DMRT1: variants seen among roughly 807,000 people sequenced by gnomAD.
DMRT1 encodes doublesex- and mab-3-related transcription factor 1.
DMRT1 carries 7 observed loss-of-function variants against 32.3 expected under a neutral mutation model. The observed-to-expected ratio is 0.22, with a 90% confidence interval of 0.12 to 0.41. The LOEUF (loss-of-function observed/expected upper bound fraction) is 0.41, where lower values mean the gene tolerates loss of function less well. Among genes scored for constraint, DMRT1 ranks in the 10% least tolerant of loss-of-function variants. The pLI, the probability that DMRT1 is intolerant of heterozygous loss-of-function variation, is 1.00. For missense variants in DMRT1, 625 were observed against 500.5 expected (o/e 1.25, Z -2.37); for synonymous variants, 278 against 206.1 (o/e 1.35, Z -2.99).
At chr9:846,889 G>A in intron 1 of DMRT1, 71 bp from the exon 2 acceptor site, 5 of 1,577,644 alleles carry the variant, frequency 3.2e-6, no homozygotes, top group Non-Finnish European at 4.4e-6. Context: ...TCTGGGATGG[G>A]TGGGGCTTCT....
chr9:843,306 G>A (rs1050841039), intron 1 of DMRT1, among the ~76,000 whole-genome samples: 1 of 152,258 alleles, frequency 6.6e-6, no homozygotes, highest in Non-Finnish European at 1.5e-5. Context: ...GCGTTGCGCG[G>A]TTTCCCTGCG....
At chr9:923,987 A>G (rs968797353) in intron 4 of DMRT1, among the ~76,000 whole-genome samples, 2 of 152,074 alleles carry the variant, frequency 1.3e-5, no homozygotes, top group Non-Finnish European at 2.9e-5. Flanking sequence ...AGGCCAGTGA[A>G]TGGAAGGGCA....
At chr9:964,180 G>A (rs1223847097) in intron 4 of DMRT1, among the ~76,000 whole-genome samples, 1 of 151,846 alleles carries the variant, frequency 6.6e-6, no homozygotes, top group African/African-American at 2.4e-5. Flanking sequence ...AAAAGATTTA[G>A]CACTTAGAGT....
chr9:955,803 G>C (rs1440298740), intron 4 of DMRT1, among the ~76,000 whole-genome samples: 1 of 152,238 alleles, frequency 6.6e-6, no homozygotes, highest in Non-Finnish European at 1.5e-5. Context: ...GCGTTGCTGA[G>C]ATGTGGGTAA....
chr9:892,369 C>G (rs920201649), intron 2 of DMRT1, among the ~76,000 whole-genome samples: 1 of 152,132 alleles, frequency 6.6e-6, no homozygotes, highest in African/African-American at 2.4e-5. Flanking sequence ...CAGCCTCTCC[C>G]AAAAGCACGC....
intron 4 of DMRT1, among the ~76,000 whole-genome samples, chr9:921,756 C>A (rs1371991773): frequency 1.3e-5 from 2 of 152,198 alleles, no homozygotes; most frequent in Non-Finnish European, 2.9e-5. Flanking sequence ...TGCCACCCAC[C>A]TGTAGTTCTG....
At chr9:877,447 G>A (rs1236293773) in intron 2 of DMRT1, among the ~76,000 whole-genome samples, 1 of 152,140 alleles carries the variant, frequency 6.6e-6, no homozygotes, top group Non-Finnish European at 1.5e-5. Context: ...AACCCTGTTT[G>A]CACCTTTTCT....
intron 4 of DMRT1, among the ~76,000 whole-genome samples, chr9:919,968 C>G (rs1179363170): frequency 6.6e-6 from 1 of 152,150 alleles, no homozygotes; most frequent in East Asian, 1.9e-4. Flanking sequence ...TATTTGTACA[C>G]TCCTCGAAGA....
rs1554745425 is a variant in DMRT1 at position 863,149 on chromosome 9, C to CCAAA, written c.538+16006_538+16007insCAAA. 3.1e-5 allele frequency among the ~76,000 whole-genome samples: 3 copies of CCAAA among 98,292 alleles called. 1 individual carries two copies. The highest frequency in any genetic ancestry group is 6.6e-4 in the East Asian group (2 of 3,050). 64.5% of individuals were successfully genotyped at this position (98,292 alleles called of 152,430 possible). ...GGGCAACAGCGAGATCAGGTCTCTA[C>CCAAA]AAAAAAAAAAAAAAAAAAATTAGCC... is the stretch of plus-strand genomic sequence containing the variant. On this transcript the variant is annotated intron_variant, in intron 2 of 4. Transcript: ENST00000382276.
At chr9:961,302 C>G (rs576451542) in intron 4 of DMRT1, among the ~76,000 whole-genome samples, 17 of 152,266 alleles carry the variant, frequency 1.1e-4, no homozygotes, top group African/African-American at 3.9e-4. Context: ...TGACAGGGCT[C>G]CAGGAACCCA....
chr9:945,238 C>T (rs897110589), intron 4 of DMRT1, among the ~76,000 whole-genome samples: 1 of 152,186 alleles, frequency 6.6e-6, no homozygotes, highest in African/African-American at 2.4e-5. Context: ...ACTGCAACCT[C>T]TGCCTCCCAG....
intron 4 of DMRT1, among the ~76,000 whole-genome samples, chr9:955,696 C>T (rs1212492905): frequency 6.6e-6 from 1 of 152,124 alleles, no homozygotes; most frequent in African/African-American, 2.4e-5. Flanking sequence ...GTATGAAACC[C>T]TGTTTCAAAA....
At chr9:929,182 C>G (rs936506960) in intron 4 of DMRT1, among the ~76,000 whole-genome samples, 2 of 152,120 alleles carry the variant, frequency 1.3e-5, no homozygotes, top group Non-Finnish European at 2.9e-5. Context: ...ATCTGACAAC[C>G]TTGTACTTCA....
At chr9:951,156 A>G (rs953386873) in intron 4 of DMRT1, among the ~76,000 whole-genome samples, 6 of 152,192 alleles carry the variant, frequency 3.9e-5, no homozygotes, top group South Asian at 2.1e-4. Flanking sequence ...TCATTGAAGC[A>G]CTAGACAACA....
At chr9:850,762 C>G (rs1290837307) in intron 2 of DMRT1, among the ~76,000 whole-genome samples, 2 of 152,154 alleles carry the variant, frequency 1.3e-5, no homozygotes, top group Non-Finnish European at 2.9e-5. Context: ...GGCGCAGTGG[C>G]TCATGCCTGT....
At chr9:851,529 C>T (rs956845894) in intron 2 of DMRT1, among the ~76,000 whole-genome samples, 10 of 152,114 alleles carry the variant, frequency 6.6e-5, no homozygotes, top group African/African-American at 2.4e-4. Flanking sequence ...TGAGCCACTG[C>T]ATCTGGCCTT....
At chr9:920,497 T>G (rs1818318892) in intron 4 of DMRT1, among the ~76,000 whole-genome samples, 1 of 152,182 alleles carries the variant, frequency 6.6e-6, no homozygotes, top group South Asian at 2.1e-4. Context: ...AGTGACCTTC[T>G]GAGTGGTCAC....
intron 1 of DMRT1, among the ~76,000 whole-genome samples, chr9:843,160 T>G (rs537949994): frequency 3.9e-5 from 6 of 152,318 alleles, no homozygotes; most frequent in Admixed American, 2.0e-4. Context: ...GCACTTAAAT[T>G]AGAAAGGATC....
intron 2 of DMRT1, among the ~76,000 whole-genome samples, chr9:871,718 C>G (rs1267082266): frequency 6.7e-6 from 1 of 148,710 alleles, no homozygotes; most frequent in Non-Finnish European, 1.5e-5. Flanking sequence ...TCGTGATTCG[C>G]CCGCCTCGGC....
Sources: gnomAD v4.1 joint callset for allele counts (sites outside exome capture counted in the v4.1 genomes callset) on GRCh38, gnomAD v4.1.1 for gene constraint, MANE v1.5 for transcripts, NCBI Gene and HGNC (gene_info 2026-07-23, HGNC 2026-07-21) for gene names.